KALRN: variants seen among roughly 807,000 people sequenced by gnomAD.
KALRN encodes kalirin.
A neutral mutation model predicts 353.7 loss-of-function variants in KALRN; 70 were observed. That is an observed-to-expected ratio of 0.20 (90% CI 0.16 to 0.24). The LOEUF is 0.24. Ranked by LOEUF, KALRN falls within the 10% of genes least tolerant of loss-of-function variation. KALRN has a pLI of 1.00. For synonymous variants in KALRN, 1,391 were observed against 1,434.8 expected (o/e 0.97, Z 0.69); for missense variants, 2,791 against 3,756.7 (o/e 0.74, Z 6.72).
intron 1 of KALRN, among the ~76,000 whole-genome samples, chr3:124,066,157 A>T (rs2042345418): frequency 6.6e-6 from 1 of 152,238 alleles, no homozygotes; most frequent in South Asian, 2.1e-4. Context: ...TGACATGAAC[A>T]TTGTGTTGTG....
intron 33 of KALRN, among the ~76,000 whole-genome samples, chr3:124,529,900 T>A (rs913576387): frequency 6.6e-6 from 1 of 152,072 alleles, no homozygotes; most frequent in East Asian, 1.9e-4. Context: ...GAAGTCAGAT[T>A]TGAAAAATGT....
chr3:124,146,503 G>A (rs2067343545), intron 1 of KALRN, among the ~76,000 whole-genome samples: 1 of 152,104 alleles, frequency 6.6e-6, no homozygotes, highest in Non-Finnish European at 1.5e-5. Context: ...GAGAAGCACT[G>A]GACTGGAAAT....
intron 58 of KALRN, 113 bp from the exon 59 acceptor site, chr3:124,717,134 T>C: frequency 4.0e-6 from 4 of 995,876 alleles, no homozygotes; most frequent in Non-Finnish European, 5.8e-6. Context: ...TTGGTCTTCA[T>C]GTATAACAAT....
intron 1 of KALRN, among the ~76,000 whole-genome samples, chr3:124,069,749 T>C (rs1388043721): frequency 6.6e-6 from 1 of 152,138 alleles, no homozygotes; most frequent in Non-Finnish European, 1.5e-5. Flanking sequence ...CTAGGGTAAG[T>C]GCTCTAAAGG....
At chr3:124,355,714 T>TTTTTTTC (rs2083320968) in intron 10 of KALRN, among the ~76,000 whole-genome samples, 1 of 52,926 alleles carries the variant, frequency 1.9e-5, no homozygotes, top group African/African-American at 6.8e-5. Flanking sequence ...CCCATCTTTT[T>TTTTTTTC]TTTTTTTTTT....
chr3:124,693,511 G>T (rs910358223), intron 51 of KALRN, among the ~76,000 whole-genome samples: 2 of 152,130 alleles, frequency 1.3e-5, no homozygotes, highest in African/African-American at 2.4e-5. Flanking sequence ...GAAGAGGGAG[G>T]ACAGAAAGAC....
chr3:124,465,967 T>C (rs2060293525), intron 25 of KALRN, among the ~76,000 whole-genome samples: 1 of 152,014 alleles, frequency 6.6e-6, no homozygotes, highest in Non-Finnish European at 1.5e-5. Context: ...CTTAACTAGA[T>C]AGTATTGATC....
chr3:124,375,166 G>A (rs1246855690), intron 10 of KALRN, among the ~76,000 whole-genome samples: 2 of 152,152 alleles, frequency 1.3e-5, no homozygotes, highest in African/African-American at 4.8e-5. Context: ...TTCCAGGAGA[G>A]ATGGGTTGCT....
chr3:124,408,551 G>T (rs949667781), intron 13 of KALRN, among the ~76,000 whole-genome samples: 1 of 152,156 alleles, frequency 6.6e-6, no homozygotes, highest in Non-Finnish European at 1.5e-5. Flanking sequence ...CACATTGCCT[G>T]CCCCATAATA....
intron 6 of KALRN, among the ~76,000 whole-genome samples, chr3:124,312,935 T>C (rs1231286499): frequency 6.6e-6 from 1 of 152,228 alleles, no homozygotes; most frequent in Non-Finnish European, 1.5e-5. Context: ...AAATAAACGC[T>C]TGTTGAATGA....
intron 3 of KALRN, among the ~76,000 whole-genome samples, chr3:124,264,092 G>C (rs2073223042): frequency 6.7e-6 from 1 of 148,344 alleles, no homozygotes; most frequent in African/African-American, 2.5e-5. Flanking sequence ...GGGAATGTTT[G>C]CATTCTACTT....
Position 124,720,932 on chromosome 3 carries a change from T to C in KALRN, c.*1462T>C, listed in dbSNP as rs554778819. On this transcript the variant is annotated 3_prime_UTR_variant, in exon 60 of 60. Transcript: ENST00000682506. ...GTGTTGAAAATTGCGATTATACAAG[T>C]AAGATTTTAAAAATGTAACTCAAGT... is the stretch of plus-strand genomic sequence containing the variant. The C allele has an allele frequency of 1.1e-4, 16 of 152,326 alleles. 1 individual carries two copies. The South Asian group carries it at 3.3e-3, about 32-fold the overall frequency. The allele number at this position is 152,326 out of a possible 1,614,324, so 9.4% of individuals were successfully genotyped here. A position where few individuals can be genotyped will look rare whatever the true frequency, so the allele number is the denominator to read the frequency against.
At chr3:124,146,561 G>A (rs2067353824) in intron 1 of KALRN, among the ~76,000 whole-genome samples, 1 of 152,066 alleles carries the variant, frequency 6.6e-6, no homozygotes, top group Non-Finnish European at 1.5e-5. Context: ...TGGGGAAAGG[G>A]CAGATGTTCT....
chr3:124,418,647 C>A (rs1265113903), intron 14 of KALRN, among the ~76,000 whole-genome samples: 1 of 151,176 alleles, frequency 6.6e-6, no homozygotes, highest in Non-Finnish European at 1.5e-5. Flanking sequence ...ACAGTCACCT[C>A]TCTCCTTGAG....
chr3:124,100,831 C>G (rs770094443), intron 1 of KALRN, among the ~76,000 whole-genome samples: 25 of 152,174 alleles, frequency 1.6e-4, no homozygotes, highest in Admixed American at 5.2e-4. Flanking sequence ...ACTTCCACCT[C>G]CAGCCAATTA....
chr3:124,158,386 A>G (rs1416769230), intron 1 of KALRN, among the ~76,000 whole-genome samples: 1 of 152,178 alleles, frequency 6.6e-6, no homozygotes, highest in African/African-American at 2.4e-5. Context: ...GCCTGAGCTG[A>G]GCGTTTCTTC....
intron 21 of KALRN, among the ~76,000 whole-genome samples, chr3:124,451,766 T>C (rs2058809512): frequency 6.6e-6 from 1 of 152,190 alleles, no homozygotes; most frequent in Admixed American, 6.5e-5. Flanking sequence ...AAAACTGGAA[T>C]GTCACCCAAG....
intron 41 of KALRN, among the ~76,000 whole-genome samples, chr3:124,658,046 TGGG>T (rs948439134): frequency 1.3e-5 from 2 of 151,958 alleles, no homozygotes; most frequent in African/African-American, 4.8e-5. Flanking sequence ...CCTAGCCACT[TGGG>T]GGGGCGGAGG....
intron 1 of KALRN, among the ~76,000 whole-genome samples, chr3:124,142,687 C>T (rs935511963): frequency 8.6e-5 from 13 of 151,996 alleles, no homozygotes; most frequent in Non-Finnish European, 1.8e-4. Context: ...TGTGTAGCCT[C>T]GATGCTTGCT....
Sources: allele counts gnomAD v4.1 joint callset (sites outside exome capture counted in the v4.1 genomes callset), GRCh38; gene constraint gnomAD v4.1.1; transcripts MANE v1.5; gene names NCBI Gene and HGNC (gene_info 2026-07-23, HGNC 2026-07-21).